Variants in ZNF35 observed in about 807,000 individuals in gnomAD.
The protein encoded by ZNF35 is zinc finger protein 35.
A neutral mutation model predicts 45.9 loss-of-function variants in ZNF35; 31 were observed. The observed-to-expected ratio is 0.68, with a 90% CI of 0.51 to 0.91. The LOEUF is 0.91. Ranked by LOEUF, ZNF35 falls within the 40% of genes least tolerant of loss-of-function variation. ZNF35 has a pLI of 0.00. For missense variants in ZNF35, 515 were observed against 625.4 expected (o/e 0.82, Z 1.88); for synonymous variants, 205 against 220.2 (o/e 0.93, Z 0.61).
intron 1 of ZNF35, among the ~76,000 whole-genome samples, chr3:44,650,090 G>GTGTT (rs1219082567): frequency 6.8e-6 from 1 of 146,814 alleles, no homozygotes; most frequent in Non-Finnish European, 1.5e-5. Flanking sequence ...GTGTGTGTGT[G>GTGTT]TGTAGTGTGT....
rs763504086 is a variant in ZNF35 at position 44,651,037 on chromosome 3, G to A, written c.-31G>A. On this transcript the variant is annotated 5_prime_UTR_variant, in exon 2 of 4. Transcript: ENST00000396056. ...TTTGACCTCTGCAGGGCAGCGCCCAGCTATAGGAGTTCCCCTGCTGAGCAG... is the reference window on the plus strand; with the variant it reads ...TTTGACCTCTGCAGGGCAGCGCCCAACTATAGGAGTTCCCCTGCTGAGCAG... 3.1e-6 allele frequency: 5 copies of A among 1,606,344 alleles called. No homozygotes were observed. The African/African-American group carries it at 4.0e-5, about 13-fold the overall frequency.
chr3:44,659,332 G>A lies in ZNF35; in HGVS notation c.969G>A (p.Arg323=), dbSNP rs572312970. 3 of 1,614,076 alleles carry A rather than the reference G, an allele frequency of 1.9e-6. No individual in the cohort carries two copies. The highest frequency in any genetic ancestry group is 2.7e-5 in the African/African-American group (2 of 75,030). Residue 323 remains arginine, a synonymous_variant, in exon 4 of 4, where the codon CGG becomes CGA. Coordinates refer to ENST00000396056, the MANE Select transcript of ZNF35 (RefSeq NM_003420.4). The surrounding 1 kb of genome is among the most constrained non-coding windows in gnomAD (Gnocchi z 4.3). ...TTAGTTACAGCTCACAACTTGCTCG[G>A]CACCAGAAAGTCCACATTACGGAAA... The part of the protein sequence containing the change: ...KAFSYSSQLA[R]HQKVHITEKC...
In ZNF35 at chr3:44,659,746, A is replaced by G. The variant is rs371730120; in HGVS notation, c.1383A>G (p.Leu461=). ...CGKAFTCSSY[L]LIHQRIHNGE... is the part of the protein sequence containing the mutation. Reference sequence around the variant, plus strand: ...AGGCCTTCACATGTAGCTCATACCTACTTATTCATCAGAGAATTCATAATG... The same window carrying G: ...AGGCCTTCACATGTAGCTCATACCTGCTTATTCATCAGAGAATTCATAATG... The change falls in exon 4 of 4, where the codon CTA becomes CTG. Residue 461 remains leucine (L), a synonymous_variant. Coordinates refer to ENST00000396056, the MANE Select transcript of ZNF35 (RefSeq NM_003420.4). The surrounding 1 kb of genome is among the most constrained non-coding windows in gnomAD (Gnocchi z 4.3). The G allele has an allele frequency of 1.9e-5, 30 of 1,613,718 alleles. No individual in the cohort carries two copies. The highest frequency in any genetic ancestry group is 2.5e-5 in the Non-Finnish European group (29 of 1,179,942).
rs759168478 is a variant in ZNF35, at chr3:44,659,518, T to G, written c.1155T>G (p.Thr385=). Residue 385 remains threonine, a synonymous_variant, in exon 4 of 4, where the codon ACT becomes ACG. Transcript: ENST00000396056. The surrounding 1 kb of genome is among the most constrained non-coding windows in gnomAD (Gnocchi z 4.3). ...ANLIVHQRSH[T]GEKPYECKEC... is the part of the protein sequence containing the mutation. ...TTATTGTACATCAGCGAAGCCATACTGGTGAGAAGCCATATGAGTGTAAAG... is the reference window on the plus strand; with the variant it reads ...TTATTGTACATCAGCGAAGCCATACGGGTGAGAAGCCATATGAGTGTAAAG... The G allele has an allele frequency of 1.9e-6, 3 of 1,614,084 alleles. No homozygotes were observed. Among genetic ancestry groups the G allele is most frequent in the Non-Finnish European group, 8.5e-7 (1 of 1,180,018 alleles).
chr3:44,647,865 G>A (rs1478589354), upstream of ZNF35: 1 of 152,150 alleles, frequency 6.6e-6, no homozygotes, highest in Non-Finnish European at 1.5e-5. Flanking sequence ...TCTTTGTGGT[G>A]ATGGAACACT....
At chr3:44,651,889 A>C (rs1703210166) in intron 2 of ZNF35, among the ~76,000 whole-genome samples, 1 of 151,906 alleles carries the variant, frequency 6.6e-6, no homozygotes, top group Non-Finnish European at 1.5e-5. Flanking sequence ...TTTTTTTAAA[A>C]CTCTTCAGGT....
chr3:44,659,391 T>G lies in ZNF35; in HGVS notation c.1028T>G (p.Phe343Cys). ...GAATGTAATGAATGTGGGAAAACAT[T>G]TACTAGGAGCTCAAACCTCATTGTC... ...CYECNECGKTFTRSSNLIVHQ... is the reference protein window; with the variant it reads ...CYECNECGKTCTRSSNLIVHQ... Residue 343 changes from phenylalanine to cysteine, a missense_variant, in exon 4 of 4, where the codon TTT becomes TGT. Transcript: ENST00000396056. The surrounding 1 kb of genome is among the most constrained non-coding windows in gnomAD (Gnocchi z 4.3). 1 of 1,613,384 alleles carries G rather than the reference T, an allele frequency of 6.2e-7. No homozygotes were observed. Among genetic ancestry groups the G allele is most frequent in the Non-Finnish European group, 8.5e-7 (1 of 1,179,766 alleles).
In ZNF35 at chr3:44,658,991, G is replaced by A. The variant is rs2125845118; in HGVS notation, c.628G>A (p.Val210Ile). 1 of 1,614,254 alleles carries A rather than the reference G, an allele frequency of 6.2e-7. No individual in the cohort carries two copies. The highest frequency in any genetic ancestry group is 8.5e-7 in the Non-Finnish European group (1 of 1,180,050). ...GGKYSLNSGAVKNPKTQLGQK... is the reference protein window; with the variant it reads ...GGKYSLNSGAIKNPKTQLGQK... Reference sequence around the variant, plus strand: ...AAAATATAGCCTTAATTCTGGCGCTGTTAAAAATCCAAAAACCCAGCTTGG... The same window carrying A: ...AAAATATAGCCTTAATTCTGGCGCTATTAAAAATCCAAAAACCCAGCTTGG... Residue 210 changes from valine to isoleucine, a missense_variant, in exon 4 of 4, where the codon GTT becomes ATT. Val to Ile is a conservative substitution (Grantham distance 29, BLOSUM62 3). Around this residue, in one of 3 missense-constraint regions of ZNF35, gnomAD observed 275 missense variants for 295.7 expected, o/e 0.93. Transcript: ENST00000396056.
rs1703364505 is a variant in ZNF35 at position 44,659,431 on chromosome 3, C to G, written c.1068C>G (p.His356Gln). 1 of 1,613,398 alleles carries G rather than the reference C, an allele frequency of 6.2e-7. No individual in the cohort carries two copies. Among genetic ancestry groups the G allele is most frequent in the African/African-American group, 1.3e-5 (1 of 74,908 alleles). The change falls in exon 4 of 4, where the codon CAC becomes CAG. Residue 356 changes from histidine to glutamine, a missense_variant. By Grantham distance (24) the His-to-Gln change is conservative. This residue lies in a region of ZNF35 where 232 missense variants were observed against 304.6 expected (regional missense o/e 0.76). Coordinates refer to ENST00000396056, the MANE Select transcript of ZNF35 (RefSeq NM_003420.4). The surrounding 1 kb of genome is among the most constrained non-coding windows in gnomAD (Gnocchi z 4.3). Reference sequence around the variant, plus strand: ...ACCTCATTGTCCACCAGAGGATCCACACTGGGGAGAAGCCCTTTGCCTGTA... The same window carrying G: ...ACCTCATTGTCCACCAGAGGATCCAGACTGGGGAGAAGCCCTTTGCCTGTA... Reference protein sequence around the residue: ...SSNLIVHQRIHTGEKPFACND... With the variant: ...SSNLIVHQRIQTGEKPFACND...
At position 44,653,633 on chromosome 3, in the gene ZNF35, G is replaced by A. The variant is rs181329024; in HGVS notation, c.337+932G>A. Among the ~76,000 whole-genome samples, 171 of 152,322 alleles carry A rather than the reference G, an allele frequency of 1.1e-3. 1 individual carries two copies. The highest frequency in any genetic ancestry group is 6.8e-3 in the Middle Eastern group (2 of 294). ...AAATTATAGAGGATTTTGAGCAGCTGTGTTAACCATAATGATGTTCAAAAC... is the reference window on the plus strand; with the variant it reads ...AAATTATAGAGGATTTTGAGCAGCTATGTTAACCATAATGATGTTCAAAAC... On this transcript the variant is annotated intron_variant, in intron 3 of 3. Transcript: ENST00000396056.
intron 3 of ZNF35, among the ~76,000 whole-genome samples, chr3:44,654,171 C>T (rs1285240874): frequency 6.6e-6 from 1 of 152,190 alleles, no homozygotes; most frequent in Admixed American, 6.5e-5. Context: ...GAATGGGCTC[C>T]CTTTTCCTAC....
At chr3:44,652,334 G>C (rs1038022434) in intron 2 of ZNF35, among the ~76,000 whole-genome samples, 6 of 152,140 alleles carry the variant, frequency 3.9e-5, no homozygotes, top group African/African-American at 1.4e-4. Context: ...AGATTCTGGA[G>C]TGAGCAGTGA....
In ZNF35 at chr3:44,658,768, C is replaced by T. The variant is rs1381877719; in HGVS notation, c.405C>T (p.Pro135=). The T allele has an allele frequency of 6.2e-7, 1 of 1,601,614 alleles. No individual in the cohort carries two copies. The highest frequency in any genetic ancestry group is 1.1e-5 in the South Asian group (1 of 87,616). ...AGATATGTGAGGAAGCTGAAAAACC[C>T]CTCATCATATCAGAAAGAATCCAGA... is the stretch of plus-strand genomic sequence containing the variant. ...KTEICEEAEK[P]LIISERIQKA... The change falls in exon 4 of 4, where the codon CCC becomes CCT. Residue 135 remains proline (P), a synonymous_variant. Coordinates refer to ENST00000396056, the MANE Select transcript of ZNF35 (RefSeq NM_003420.4).
Position 44,659,016 on chromosome 3 carries a change from G to A in ZNF35, c.653G>A (p.Gly218Glu). Residue 218 changes from glycine to glutamate, a missense_variant, in exon 4 of 4, where the codon GGA becomes GAA. Coordinates refer to ENST00000396056, the MANE Select transcript of ZNF35 (RefSeq NM_003420.4). The surrounding 1 kb of genome is among the most constrained non-coding windows in gnomAD (Gnocchi z 4.3). ...GTTAAAAATCCAAAAACCCAGCTTGGACAAAAGCCTTTTACGTGTAGCGTG... is the reference window on the plus strand; with the variant it reads ...GTTAAAAATCCAAAAACCCAGCTTGAACAAAAGCCTTTTACGTGTAGCGTG... ...GAVKNPKTQL[G>E]QKPFTCSVCG... The A allele has an allele frequency of 6.2e-7, 1 of 1,614,206 alleles. No homozygotes were observed. Among genetic ancestry groups the A allele is most frequent in the Non-Finnish European group, 8.5e-7 (1 of 1,180,038 alleles).
upstream of ZNF35, chr3:44,646,778 A>G (rs1702982691): frequency 2.4e-6 from 1 of 422,630 alleles, no homozygotes; most frequent in African/African-American, 2.0e-5. Context: ...GTTAGGTACT[A>G]AGAACCAGAA....
chr3:44,656,354 G>A (rs550830070), intron 3 of ZNF35, among the ~76,000 whole-genome samples: 1 of 151,456 alleles, frequency 6.6e-6, no homozygotes, highest in South Asian at 2.1e-4. Flanking sequence ...TAGCAGAACA[G>A]TAGGAATAGA....
chr3:44,659,307 T>A lies in ZNF35; in HGVS notation c.944T>A (p.Phe315Tyr). Residue 315 changes from phenylalanine to tyrosine, a missense_variant, in exon 4 of 4, where the codon TTT (phenylalanine) becomes TAT (tyrosine). Around this residue, in one of 3 missense-constraint regions of ZNF35, gnomAD observed 232 missense variants for 304.6 expected, o/e 0.76. Transcript: ENST00000396056. This position sits in a 1 kb window ranked among gnomAD's most constrained non-coding sequence, Gnocchi z 4.3. ...AAGTGCAATGAATGTGAGAAAGCCT[T>A]TAGTTACAGCTCACAACTTGCTCGG... ...TFKCNECEKA[F>Y]SYSSQLARHQ... The A allele has an allele frequency of 6.2e-7, 1 of 1,614,150 alleles. No homozygotes were observed. Among genetic ancestry groups the A allele is most frequent in the Non-Finnish European group, 8.5e-7 (1 of 1,180,018 alleles).
upstream of ZNF35, chr3:44,646,750 AG>A: frequency 2.0e-6 from 1 of 491,694 alleles, no homozygotes. Flanking sequence ...TGTTTTTAAA[AG>A]ATAATACTAG....
In ZNF35 at chr3:44,652,596, G is replaced by A; in HGVS notation, c.232G>A (p.Ala78Thr). 3 of 1,610,334 alleles carry A rather than the reference G, an allele frequency of 1.9e-6. No homozygotes were observed. The highest frequency in any genetic ancestry group is 2.5e-6 in the Non-Finnish European group (3 of 1,178,404). The change falls in exon 3 of 4, where the codon GCA (alanine) becomes ACA (threonine). Residue 78 changes from alanine to threonine, a missense_variant. By Grantham distance (58) the Ala-to-Thr change is moderately conservative (BLOSUM62 0). This residue lies in a region of ZNF35 where 275 missense variants were observed against 295.7 expected (regional missense o/e 0.93). Coordinates refer to ENST00000396056, the MANE Select transcript of ZNF35 (RefSeq NM_003420.4). ...ISWDMAVVLK[A>T]TQEAPAASTL... ...CTGGGATATGGCGGTAGTCCTGAAA[G>A]CAACTCAGGAGGCACCTGCTGCTTC...
Sources: allele counts gnomAD v4.1 joint callset (sites outside exome capture counted in the v4.1 genomes callset), GRCh38; gene constraint gnomAD v4.1.1; regional missense constraint gnomAD v4.1.1; non-coding constraint Gnocchi (gnomAD v3.1); transcripts MANE v1.5; gene names NCBI Gene and HGNC (gene_info 2026-07-23, HGNC 2026-07-21).